TOP1MT: variants seen among roughly 807,000 people sequenced by gnomAD.
TOP1MT encodes the protein DNA topoisomerase I mitochondrial, also known as DNA topoisomerase I, mitochondrial.
A neutral mutation model predicts 73.9 loss-of-function variants in TOP1MT; 80 were observed. That is an observed-to-expected ratio of 1.08 (90% confidence interval 0.90 to 1.30). The LOEUF (loss-of-function observed/expected upper bound fraction) is 1.30, where lower values mean the gene tolerates loss of function less well. TOP1MT is among the 50% of genes most tolerant of loss of function. The probability of loss-of-function intolerance (pLI) is 0.00; values close to 1 mark genes in which losing one functional copy is unlikely to be tolerated. For synonymous variants in TOP1MT, 338 were observed against 326.4 expected (o/e 1.04, Z -0.38); for missense variants, 815 against 808.0 (o/e 1.01, Z -0.10).
intron 1 of TOP1MT, among the ~76,000 whole-genome samples, chr8:143,333,226 C>A (rs1460768987): frequency 2.0e-5 from 3 of 152,090 alleles, no homozygotes; most frequent in African/African-American, 7.2e-5. Context: ...GCGGGCGGAT[C>A]ACTTGAGGCC....
Position 143,323,872 on chromosome 8 carries a change from C to CA in TOP1MT, c.960+126_960+127insT, listed in dbSNP as rs1342376219. 6.7e-5 allele frequency: 65 copies of CA among 976,748 alleles called. No homozygotes were observed. In the African/African-American group the frequency reaches 8.9e-4, roughly 13 times the overall value. The allele number at this position is 976,748 out of a possible 1,614,324, so 60.5% of individuals were successfully genotyped here. A position where few individuals can be genotyped will look rare whatever the true frequency, so the allele number is the denominator to read the frequency against. ...CCACACACGTGTGCACATGCACACA[C>CA]CCCCCCCATCAGAATGAGGTTCCAC... On this transcript the variant is annotated intron_variant, in intron 7 of 13. Coordinates refer to ENST00000329245, the MANE Select transcript of TOP1MT (RefSeq NM_052963.3).
chr8:143,311,671 G>C (rs1378338455), intron 12 of TOP1MT, among the ~76,000 whole-genome samples: 2 of 151,670 alleles, frequency 1.3e-5, no homozygotes, highest in African/African-American at 2.4e-5. Flanking sequence ...GTTTGAACCC[G>C]GGAGGCAGAG....
At chr8:143,343,160 C>T in intron 2 of TOP1MT, 1 of 456,188 alleles carries the variant, frequency 2.2e-6, no homozygotes, top group Admixed American at 2.3e-5. Flanking sequence ...GGCATGAGTG[C>T]CTGGGAAGTT....
chr8:143,309,772 G>C (rs1185373278), intron 13 of TOP1MT: 1 of 1,533,554 alleles, frequency 6.5e-7, no homozygotes, highest in Non-Finnish European at 8.7e-7. Flanking sequence ...CCACCGAGCA[G>C]GGCGCTCAGC....
At position 143,323,061 on chromosome 8, in the gene TOP1MT, G is replaced by A. The variant is rs1459935361; in HGVS notation, c.960+938C>T. Among the ~76,000 whole-genome samples the A allele has an allele frequency of 2.1e-4, 9 of 43,368 alleles. No homozygotes were observed. In the East Asian group the frequency reaches 6.2e-3, roughly 30 times the overall value. 28.5% of individuals were successfully genotyped at this position (43,368 alleles called of 152,430 possible). A position where few individuals can be genotyped will look rare whatever the true frequency, so the allele number is the denominator to read the frequency against. On this transcript the variant is annotated intron_variant, in intron 7 of 13. Transcript: ENST00000329245. ...ACGCCACACAGGCACGCCACACACA[G>A]GCACACCACACACGCACGCCACACA...
chr8:143,326,280 T>C lies in TOP1MT; in HGVS notation c.425A>G (p.His142Arg), dbSNP rs1816704952. 1.9e-6 allele frequency: 3 copies of C among 1,613,936 alleles called. No homozygotes were observed. Among genetic ancestry groups the C allele is most frequent in the Admixed American group, 1.7e-5 (1 of 60,008 alleles). The change falls in exon 4 of 14, where the codon CAC becomes CGC. Residue 142 changes from histidine (H) to arginine (R), a missense_variant. His to Arg is a conservative substitution (Grantham distance 29, BLOSUM62 0). This residue lies in a region of TOP1MT where 751 missense variants were observed against 725.4 expected (regional missense o/e 1.04). Coordinates refer to ENST00000329245, the MANE Select transcript of TOP1MT (RefSeq NM_052963.3). ...TGCGGCCTTGTCCACAAAGTATCTGTGGATCTCCGTGAAGTCACACTTGTC... is the reference window on the plus strand; with the variant it reads ...TGCGGCCTTGTCCACAAAGTATCTGCGGATCTCCGTGAAGTCACACTTGTC... ...SLDKCDFTEI[H>R]RYFVDKAAAR...
chr8:143,332,603 T>G, intron 1 of TOP1MT: 1 of 1,281,022 alleles, frequency 7.8e-7, no homozygotes, highest in Non-Finnish European at 1.0e-6. Context: ...CTGAAGGGTC[T>G]GAGAGGGGAA....
chr8:143,346,242 G>A (rs893817359), upstream of TOP1MT, among the ~76,000 whole-genome samples: 1 of 152,126 alleles, frequency 6.6e-6, no homozygotes, highest in African/African-American at 2.4e-5. Flanking sequence ...GAGTGAAGAG[G>A]AAATGCCAGG....
intron 2 of TOP1MT, among the ~76,000 whole-genome samples, chr8:143,330,936 CG>C (rs1563766101): frequency 9.8e-5 from 3 of 30,572 alleles, no homozygotes; most frequent in Non-Finnish European, 2.1e-4. Flanking sequence ...CACAGTGGTG[CG>C]GGGGGAGGGA....
At chr8:143,322,836 A>C (rs1304275691) in intron 7 of TOP1MT, among the ~76,000 whole-genome samples, 1 of 45,306 alleles carries the variant, frequency 2.2e-5, no homozygotes, top group African/African-American at 5.9e-5. Flanking sequence ...CCACACACGC[A>C]CACCACACAC....
chr8:143,328,803 G>A (rs1452292346), intron 3 of TOP1MT, among the ~76,000 whole-genome samples: 1 of 152,236 alleles, frequency 6.6e-6, no homozygotes, highest in Non-Finnish European at 1.5e-5. Context: ...AGTCAGGGGC[G>A]AGCCTCGCAG....
At chr8:143,317,302 C>T (rs969503425) in intron 10 of TOP1MT, among the ~76,000 whole-genome samples, 4 of 152,142 alleles carry the variant, frequency 2.6e-5, no homozygotes, top group Non-Finnish European at 5.9e-5. Context: ...GAGCAGAGGG[C>T]CCTGAAGCTG....
chr8:143,346,291 G>A (rs1817219426), upstream of TOP1MT, among the ~76,000 whole-genome samples: 2 of 152,218 alleles, frequency 1.3e-5, no homozygotes, highest in Admixed American at 6.5e-5. Flanking sequence ...CTTACAGGCA[G>A]TGCAGGAACA....
chr8:143,309,362 T>C lies in TOP1MT; in HGVS notation c.*79A>G, dbSNP rs1257666776. ...GTACAAGCACTTGCACACATTTTAT[T>C]GTACAAAATTCCCCAGTACTGCTTT... On this transcript the variant is annotated 3_prime_UTR_variant, in exon 14 of 14. Transcript: ENST00000329245. 2.7e-6 allele frequency: 4 copies of C among 1,469,308 alleles called. No individual in the cohort carries two copies. The East Asian group carries it at 9.2e-5, about 34-fold the overall frequency. The allele number at this position is 1,469,308 out of a possible 1,614,324, so 91.0% of individuals were successfully genotyped here. A position where few individuals can be genotyped will look rare whatever the true frequency, so the allele number is the denominator to read the frequency against.
upstream of TOP1MT, among the ~76,000 whole-genome samples, chr8:143,348,318 C>T (rs2130447331): frequency 6.6e-6 from 1 of 152,284 alleles, no homozygotes; most frequent in Middle Eastern, 3.4e-3. The surrounding 1 kb of genome is among the most constrained non-coding windows in gnomAD (Gnocchi z 4.6). Flanking sequence ...ATGAGACCAC[C>T]TGGGGCAACA....
chr8:143,334,732 C>A lies in TOP1MT; in HGVS notation c.122+8G>T, dbSNP rs1816945503. ...GGCCCTCGCCGCCTGCTCACTGGGA[C>A]ACCTTACCTGGCTCCACTGCCCTTC... On this transcript the variant is annotated splice_region_variant and intron_variant, in intron 1 of 13. Transcript: ENST00000329245. 1 of 1,600,672 alleles carries A rather than the reference C, an allele frequency of 6.2e-7. No individual in the cohort carries two copies. The highest frequency in any genetic ancestry group is 1.4e-5 in the African/African-American group (1 of 72,452).
At chr8:143,319,202 C>T (rs972404308) in intron 8 of TOP1MT, among the ~76,000 whole-genome samples, 22 of 152,222 alleles carry the variant, frequency 1.4e-4, no homozygotes, top group African/African-American at 5.1e-4. Flanking sequence ...ACTCCTGTTT[C>T]TCTGCTGCCC....
At chr8:143,337,891 A>G (rs1471933334), upstream of TOP1MT, among the ~76,000 whole-genome samples, 1 of 152,166 alleles carries the variant, frequency 6.6e-6, no homozygotes, top group African/African-American at 2.4e-5. Flanking sequence ...ATGAGGAAGC[A>G]TTGCGTAACT....
chr8:143,313,554 A>AAC (rs1816069547), intron 12 of TOP1MT, among the ~76,000 whole-genome samples: 2 of 147,414 alleles, frequency 1.4e-5, no homozygotes, highest in Admixed American at 6.8e-5. Flanking sequence ...CATCACCAAA[A>AAC]AAAAAAAAAA....
Sources: allele counts gnomAD v4.1 joint callset (sites outside exome capture counted in the v4.1 genomes callset), GRCh38; gene constraint gnomAD v4.1.1; regional missense constraint gnomAD v4.1.1; non-coding constraint Gnocchi (gnomAD v3.1); transcripts MANE v1.5; gene names NCBI Gene and HGNC (gene_info 2026-07-23, HGNC 2026-07-21).